Variants in MYOM2 observed in about 807,000 individuals in gnomAD.
MYOM2 encodes the protein myomesin-2.
Under a neutral mutation model 187.6 loss-of-function variants are expected in MYOM2, and 254 were observed. That is an observed-to-expected ratio of 1.35 (90% CI 1.22 to 1.50). The LOEUF is 1.50. Ranked by LOEUF, MYOM2 falls within the 40% of genes most tolerant of loss-of-function variation. MYOM2 has a pLI of 0.00. For missense variants in MYOM2, 2,796 were observed against 1,924.0 expected (o/e 1.45, Z -8.48); for synonymous variants, 981 against 753.8 (o/e 1.30, Z -4.94).
Position 2,138,718 on chromosome 8 carries a change from A to G in MYOM2, c.3801-2005A>G, listed in dbSNP as rs115213710. Among the ~76,000 whole-genome samples, 1,362 of 152,114 alleles carry G rather than the reference A, an allele frequency of 9.0e-3. 30 individuals carry two copies. Among genetic ancestry groups the G allele is most frequent in the African/African-American group, 0.032 (1,309 of 41,476 alleles). On this transcript the variant is annotated intron_variant, in intron 32 of 36. Coordinates refer to ENST00000262113, the MANE Select transcript of MYOM2 (RefSeq NM_003970.4). ...ACAAATGTGTGTCAGTTATGTTCCA[A>G]AGTCGCTTCAGTAGATGTTGAGCAT... is the stretch of plus-strand genomic sequence containing the variant.
rs1484817194 is a variant in MYOM2 at position 2,142,532 on chromosome 8, A to C, written c.4024+135A>C. On this transcript the variant is annotated intron_variant, in intron 35 of 36. Coordinates refer to ENST00000262113, the MANE Select transcript of MYOM2 (RefSeq NM_003970.4). Reference sequence around the variant, plus strand: ...CCACCCTGATGTAACAACGCCACCAACACCACACCCTGTCCTGGAGCCCCA... The same window carrying C: ...CCACCCTGATGTAACAACGCCACCACCACCACACCCTGTCCTGGAGCCCCA... 4.1e-5 allele frequency: 35 copies of C among 850,458 alleles called. No individual in the cohort carries two copies. In the South Asian group the frequency reaches 4.3e-4, roughly 11 times the overall value. 52.7% of individuals were successfully genotyped at this position (850,458 alleles called of 1,614,324 possible).
At position 2,106,504 on chromosome 8, in the gene MYOM2, T is replaced by C. The variant is rs1456807079; in HGVS notation, c.2905T>C (p.Leu969=). 1 of 1,612,512 alleles carries C rather than the reference T, an allele frequency of 6.2e-7. No individual in the cohort carries two copies. Among genetic ancestry groups the C allele is most frequent in the Non-Finnish European group, 8.5e-7 (1 of 1,178,588 alleles). The change falls in exon 23 of 37, where the codon TTA becomes CTA. Residue 969 remains leucine, a synonymous_variant. Transcript: ENST00000262113. ...CTTCCTTTTTAGCTCCAAGCTGTAC[T>C]TAAAGAATCCGGATAAGGAGGATTT... ...ETVGDHSKLY[L]KNPDKEDLGT...
In MYOM2 at chr8:2,084,739, A is replaced by G. The variant is rs1530192; in HGVS notation, c.1517-524A>G. ...CAGACATAGAATACAGTGCCTGTGA[A>G]TATGGTACTGAGCTTTTGAGGGAGG... On this transcript the variant is annotated intron_variant, in intron 13 of 36. Coordinates refer to ENST00000262113, the MANE Select transcript of MYOM2 (RefSeq NM_003970.4). Among the ~76,000 whole-genome samples the G allele has an allele frequency of 1.1e-4, 17 of 152,270 alleles. No homozygotes were observed. The South Asian group carries it at 3.1e-3, about 28-fold the overall frequency.
intron 3 of MYOM2, among the ~76,000 whole-genome samples, chr8:2,054,410 C>G (rs1321768699): frequency 1.3e-5 from 2 of 152,122 alleles, no homozygotes; most frequent in South Asian, 2.1e-4. Flanking sequence ...AATGGGCCTC[C>G]CTGAATCTTG....
chr8:2,114,103 G>C (rs752034731), intron 25 of MYOM2, among the ~76,000 whole-genome samples: 30 of 152,246 alleles, frequency 2.0e-4, no homozygotes, highest in Admixed American at 9.8e-4. Context: ...CTTGGAGCCA[G>C]TCACAAGGGC....
intron 32 of MYOM2, among the ~76,000 whole-genome samples, chr8:2,131,144 C>T (rs952106684): frequency 6.6e-6 from 1 of 152,160 alleles, no homozygotes; most frequent in Non-Finnish European, 1.5e-5. Context: ...AACACACGCC[C>T]TGTGGATGTG....
chr8:2,045,685 G>C (rs1039019659), intron 1 of MYOM2, among the ~76,000 whole-genome samples: 2 of 152,236 alleles, frequency 1.3e-5, no homozygotes, highest in Admixed American at 6.5e-5. Context: ...GGACTTGCAA[G>C]TTTTTGCCCA....
intron 14 of MYOM2, among the ~76,000 whole-genome samples, chr8:2,086,810 C>T (rs530426522): frequency 2.6e-4 from 39 of 152,296 alleles, no homozygotes; most frequent in Non-Finnish European, 5.0e-4. Flanking sequence ...CGCCTACATG[C>T]TGGGGATTCC....
rs368427758 is a variant in MYOM2, at chr8:2,069,425, C to T, written c.743-22C>T. On this transcript the variant is annotated intron_variant, in intron 7 of 36. Transcript: ENST00000262113. ...CCGCCTCCTTTTCTCTTTTCTGCTG[C>T]ACTCACTTTGCTGTCTTGCAGGGTT... 3.7e-6 allele frequency: 6 copies of T among 1,614,016 alleles called. No homozygotes were observed. The African/African-American group carries it at 4.0e-5, about 11-fold the overall frequency.
intron 13 of MYOM2, chr8:2,085,020 G>A (rs577351113): frequency 1.2e-4 from 57 of 461,812 alleles, no homozygotes; most frequent in African/African-American, 1.0e-3. Flanking sequence ...GAAGACTTTC[G>A]GGTGAGATTC....
intron 13 of MYOM2, among the ~76,000 whole-genome samples, chr8:2,083,384 G>A (rs796380582): frequency 4.3e-4 from 65 of 151,998 alleles, no homozygotes; most frequent in African/African-American, 1.1e-3. Flanking sequence ...TGTGCTTAGC[G>A]GCATCTCACA....
intron 1 of MYOM2, among the ~76,000 whole-genome samples, chr8:2,046,529 C>T (rs1283896802): frequency 3.3e-5 from 5 of 151,708 alleles, no homozygotes; most frequent in South Asian, 2.1e-4. Context: ...TACAGCGTGG[C>T]GCCAGGATTA....
At chr8:2,139,570 G>A (rs777251458) in intron 32 of MYOM2, among the ~76,000 whole-genome samples, 3 of 152,162 alleles carry the variant, frequency 2.0e-5, no homozygotes, top group Non-Finnish European at 2.9e-5. Context: ...CTTGGTTGCC[G>A]GCAAGGGTAA....
rs1796051638 is a variant in MYOM2, at chr8:2,086,376, T to TTTGCGTGGCCCCA, written c.1644+986_1644+987insTTGCGTGGCCCCA. On this transcript the variant is annotated intron_variant, in intron 14 of 36. Coordinates refer to ENST00000262113, the MANE Select transcript of MYOM2 (RefSeq NM_003970.4). ...TGCGTGGCCTCCCACTGTTGTGATC[T>TTTGCGTGGCCCCA]CTGCGTGGCCTCCCACTGTTGTGAT... Among the ~76,000 whole-genome samples the TTTGCGTGGCCCCA allele has an allele frequency of 6.3e-5, 8 of 126,496 alleles. 2 individuals carry two copies. The highest frequency in any genetic ancestry group is 2.1e-4 in the African/African-American group (6 of 28,790). 83.0% of individuals were successfully genotyped at this position (126,496 alleles called of 152,430 possible).
intron 32 of MYOM2, among the ~76,000 whole-genome samples, chr8:2,134,271 T>A (rs1047639339): frequency 6.6e-6 from 1 of 152,142 alleles, no homozygotes; most frequent in Non-Finnish European, 1.5e-5. Context: ...TCTCTCGGCC[T>A]GGGTGCCTTG....
chr8:2,126,695 G>C (rs981079834), intron 31 of MYOM2, among the ~76,000 whole-genome samples: 1 of 144,556 alleles, frequency 6.9e-6, no homozygotes, highest in Non-Finnish European at 1.5e-5. Flanking sequence ...ACTGAGGGAG[G>C]CTGATGGAGG....
intron 13 of MYOM2, among the ~76,000 whole-genome samples, chr8:2,084,269 C>A (rs1819732277): frequency 6.6e-6 from 1 of 152,184 alleles, no homozygotes; most frequent in Non-Finnish European, 1.5e-5. Context: ...AGCACCTTAC[C>A]AGAATGAGCC....
chr8:2,045,911 A>C (rs867955691), intron 1 of MYOM2, among the ~76,000 whole-genome samples: 1 of 152,236 alleles, frequency 6.6e-6, no homozygotes, highest in Non-Finnish European at 1.5e-5. Flanking sequence ...ATCACTGGGA[A>C]CACCTGGCCT....
At chr8:2,143,608 C>T (rs563303263) in intron 36 of MYOM2, 152 bp downstream of exon 36, 100 of 886,522 alleles carry the variant, frequency 1.1e-4, no homozygotes, top group Non-Finnish European at 5.5e-6. Context: ...CACTTTTCTG[C>T]CCCTCCTAGA....
Sources: gnomAD v4.1 joint callset for allele counts (sites outside exome capture counted in the v4.1 genomes callset) on GRCh38, gnomAD v4.1.1 for gene constraint, MANE v1.5 for transcripts, NCBI Gene and HGNC (gene_info 2026-07-23, HGNC 2026-07-21) for gene names.